The following SYT16 variants were observed in gnomAD, a reference collection of about 807,000 sequenced individuals.
SYT16 encodes synaptotagmin 16, also known as synaptotagmin-16.
A neutral mutation model predicts 61.4 loss-of-function variants in SYT16; 42 were observed. The ratio of observed to expected loss-of-function variants is 0.68; its 90% confidence interval spans 0.53 to 0.89. The LOEUF (loss-of-function observed/expected upper bound fraction) is 0.89. Ranked by LOEUF, SYT16 falls within the 40% of genes least tolerant of loss-of-function variation. SYT16 has a pLI of 0.00. For synonymous variants in SYT16, 314 were observed against 302.3 expected (o/e 1.04, Z -0.40); for missense variants, 804 against 807.3 (o/e 1.00, Z 0.05).
At chr14:61,994,151 G>A (rs545262562) in intron 2 of SYT16, among the ~76,000 whole-genome samples, 5 of 152,120 alleles carry the variant, frequency 3.3e-5, no homozygotes, top group African/African-American at 9.7e-5. Context: ...AAAAGCTAAC[G>A]GAGTTTGGAA....
At chr14:61,959,131 A>G (rs1240955063) in intron 1 of SYT16, among the ~76,000 whole-genome samples, 1 of 152,020 alleles carries the variant, frequency 6.6e-6, no homozygotes, top group African/African-American at 2.4e-5. Context: ...TTTTCAGCCT[A>G]TGTGTGTCCT....
intron 3 of SYT16, among the ~76,000 whole-genome samples, chr14:62,048,117 T>C (rs555739871): frequency 6.6e-6 from 1 of 152,336 alleles, no homozygotes; most frequent in South Asian, 2.1e-4. Flanking sequence ...GGATTTTTTT[T>C]GGTTGGTAAG....
chr14:62,006,715 C>A (rs1455991156), intron 3 of SYT16, among the ~76,000 whole-genome samples: 1 of 152,182 alleles, frequency 6.6e-6, no homozygotes, highest in Non-Finnish European at 1.5e-5. Context: ...AAAACACCAC[C>A]TTCTCAGTAG....
At chr14:61,819,545 A>G (rs1377735031) in intron 1 of SYT16, among the ~76,000 whole-genome samples, 1 of 152,242 alleles carries the variant, frequency 6.6e-6, no homozygotes, top group Non-Finnish European at 1.5e-5. Context: ...GGAATATAAT[A>G]AGTCACATTC....
At chr14:62,077,257 G>A (rs2056529269) in intron 5 of SYT16, among the ~76,000 whole-genome samples, 1 of 152,184 alleles carries the variant, frequency 6.6e-6, no homozygotes, top group African/African-American at 2.4e-5. Context: ...AAACCTACCT[G>A]GGTTTTGACA....
intron 1 of SYT16, among the ~76,000 whole-genome samples, chr14:61,856,789 G>C (rs1021733671): frequency 6.6e-5 from 10 of 152,188 alleles, no homozygotes; most frequent in African/African-American, 2.4e-4. Flanking sequence ...ACCATGATTT[G>C]ACATCACCAA....
chr14:62,074,988 A>G (rs1379836155), intron 4 of SYT16, 147 bp from the exon 5 acceptor site: 3 of 841,442 alleles, frequency 3.6e-6, no homozygotes, highest in South Asian at 1.9e-5. Flanking sequence ...TCTTCACTGT[A>G]TGGATAGAAT....
chr14:61,941,092 G>T (rs1242763942), intron 1 of SYT16, among the ~76,000 whole-genome samples: 1 of 152,176 alleles, frequency 6.6e-6, no homozygotes, highest in African/African-American at 2.4e-5. Flanking sequence ...TGCTCCTTTT[G>T]TTATGTTAGC....
chr14:62,041,457 C>T (rs1028541187), intron 3 of SYT16, among the ~76,000 whole-genome samples: 29 of 152,238 alleles, frequency 1.9e-4, no homozygotes, highest in African/African-American at 6.5e-4. Flanking sequence ...CTGTGTTGAG[C>T]CTGTTGAATT....
intron 3 of SYT16, among the ~76,000 whole-genome samples, chr14:62,016,810 T>C (rs899784793): frequency 5.3e-5 from 8 of 152,216 alleles, no homozygotes; most frequent in Non-Finnish European, 1.0e-4. Flanking sequence ...TATGATTTTA[T>C]CTATGTTAAC....
At chr14:62,010,486 C>T (rs1216522939) in intron 3 of SYT16, among the ~76,000 whole-genome samples, 1 of 152,070 alleles carries the variant, frequency 6.6e-6, no homozygotes, top group East Asian at 1.9e-4. Context: ...TGGTCATGCC[C>T]TGGGGTGGGG....
intron 3 of SYT16, among the ~76,000 whole-genome samples, chr14:62,069,213 A>C (rs1469998250): frequency 6.6e-6 from 1 of 152,236 alleles, no homozygotes; most frequent in African/African-American, 2.4e-5. Context: ...TGAAGAGCAT[A>C]CATCCCATGG....
chr14:61,890,054 C>T (rs775698841), intron 1 of SYT16, among the ~76,000 whole-genome samples: 155 of 152,150 alleles, frequency 1.0e-3, no homozygotes, highest in East Asian at 3.9e-4. Context: ...TTTTATAAGT[C>T]GAGAAAGATC....
chr14:61,858,809 T>G (rs890760299), intron 1 of SYT16, among the ~76,000 whole-genome samples: 1 of 152,130 alleles, frequency 6.6e-6, no homozygotes, highest in Non-Finnish European at 1.5e-5. Context: ...GTAAGGCTTT[T>G]TAATGAAAAG....
At chr14:61,835,822 C>T (rs926990975) in intron 1 of SYT16, among the ~76,000 whole-genome samples, 3 of 152,246 alleles carry the variant, frequency 2.0e-5, no homozygotes, top group South Asian at 2.1e-4. Flanking sequence ...AACTTTTCTA[C>T]AGAAATACAT....
intron 1 of SYT16, among the ~76,000 whole-genome samples, chr14:61,952,654 C>A (rs1375526902): frequency 6.6e-6 from 1 of 152,132 alleles, no homozygotes; most frequent in African/African-American, 2.4e-5. Context: ...CCCATGTATA[C>A]CCCCAAATGT....
At chr14:61,981,736 G>T (rs1309919018) in intron 2 of SYT16, among the ~76,000 whole-genome samples, 4 of 152,076 alleles carry the variant, frequency 2.6e-5, no homozygotes, top group Non-Finnish European at 5.9e-5. Flanking sequence ...GGAGGCATTA[G>T]GTTCGAGGTT....
At chr14:61,927,622 G>A (rs2140418470) in intron 1 of SYT16, among the ~76,000 whole-genome samples, 1 of 152,198 alleles carries the variant, frequency 6.6e-6, no homozygotes, top group South Asian at 2.1e-4. Flanking sequence ...AAATTATTAA[G>A]GCAGAAGGTT....
intron 2 of SYT16, among the ~76,000 whole-genome samples, chr14:61,978,231 A>G (rs1031935772): frequency 2.0e-5 from 3 of 152,222 alleles, no homozygotes; most frequent in Non-Finnish European, 2.9e-5. Context: ...CCACTATAGC[A>G]GGAGAAGAAG....
Sources: allele counts gnomAD v4.1 joint callset (sites outside exome capture counted in the v4.1 genomes callset), GRCh38; gene constraint gnomAD v4.1.1; transcripts MANE v1.5; gene names NCBI Gene and HGNC (gene_info 2026-07-23, HGNC 2026-07-21).